Variants in PIK3AP1 observed in about 807,000 individuals in gnomAD.
PIK3AP1 encodes the protein phosphoinositide 3-kinase adapter protein 1.
Under a neutral mutation model 88.1 loss-of-function variants are expected in PIK3AP1, and 21 were observed. The ratio of observed to expected loss-of-function variants is 0.24; its 90% CI spans 0.17 to 0.34. The LOEUF (loss-of-function observed/expected upper bound fraction) is 0.34. PIK3AP1 is among the 10% of genes least tolerant of loss of function. PIK3AP1 has a pLI of 1.00. For missense variants in PIK3AP1, 828 were observed against 1,035.7 expected (o/e 0.80, Z 2.75); for synonymous variants, 398 against 400.0 (o/e 1.00, Z 0.06).
At chr10:96,703,618 G>A (rs767789535) in intron 2 of PIK3AP1, among the ~76,000 whole-genome samples, 14 of 152,142 alleles carry the variant, frequency 9.2e-5, no homozygotes, top group Non-Finnish European at 8.8e-5. Flanking sequence ...CCAGTAAAAA[G>A]AGGAAATAAT....
At chr10:96,668,234 A>G (rs563344354) in intron 2 of PIK3AP1, among the ~76,000 whole-genome samples, 20 of 152,324 alleles carry the variant, frequency 1.3e-4, no homozygotes, top group Non-Finnish European at 2.1e-4. Context: ...AACCGCATAC[A>G]CCAAAAACTG....
chr10:96,688,332 A>G (rs1321250912), intron 2 of PIK3AP1, among the ~76,000 whole-genome samples: 1 of 152,232 alleles, frequency 6.6e-6, no homozygotes, highest in African/African-American at 2.4e-5. Context: ...GATAAGTCAC[A>G]GGAACTTAGC....
intron 14 of PIK3AP1, among the ~76,000 whole-genome samples, chr10:96,609,330 CCAGAG>C (rs1849062266): frequency 6.6e-6 from 1 of 152,170 alleles, no homozygotes; most frequent in South Asian, 2.1e-4. Context: ...TTAACCTAGG[CCAGAG>C]CACTAAGCCT....
At chr10:96,628,875 C>CACACACAT (rs1564961141) in intron 8 of PIK3AP1, among the ~76,000 whole-genome samples, 2 of 90,910 alleles carry the variant, frequency 2.2e-5, no homozygotes, top group Non-Finnish European at 4.4e-5. Context: ...CATATATACA[C>CACACACAT]ATATATATAT....
chr10:96,600,756 TCAAAA>T (rs1327592460), intron 16 of PIK3AP1, among the ~76,000 whole-genome samples: 3 of 152,162 alleles, frequency 2.0e-5, no homozygotes, highest in Non-Finnish European at 1.5e-5. Context: ...AATGCAAAAA[TCAAAA>T]CAAAACCCTG....
chr10:96,666,550 T>A (rs749570331), intron 2 of PIK3AP1, among the ~76,000 whole-genome samples: 5 of 152,148 alleles, frequency 3.3e-5, no homozygotes, highest in Non-Finnish European at 7.4e-5. Context: ...TATTTGGGTC[T>A]GAAAAAAACT....
At position 96,720,343 on chromosome 10, in the gene PIK3AP1, G is replaced by C. The variant is rs898936893; in HGVS notation, c.13+39C>G. The C allele has an allele frequency of 1.6e-6, 2 of 1,242,862 alleles. No homozygotes were observed. Among genetic ancestry groups the C allele is most frequent in the Non-Finnish European group, 2.0e-6 (2 of 987,726 alleles). 77.0% of individuals were successfully genotyped at this position (1,242,862 alleles called of 1,614,324 possible). A position where few individuals can be genotyped will look rare whatever the true frequency, so the allele number is the denominator to read the frequency against. On this transcript the variant is annotated intron_variant, in intron 1 of 16. Coordinates refer to ENST00000339364, the MANE Select transcript of PIK3AP1 (RefSeq NM_152309.3). This position sits in a 1 kb window ranked among gnomAD's most constrained non-coding sequence, Gnocchi z 4.6. The stretch of plus-strand genomic sequence containing the variant: ...CAAGGGATGCGGGGTACGAGAGAGG[G>C]GCCGGGAGCCCGGGGACCCGCGGCG...
At chr10:96,607,676 A>T (rs562503745) in intron 14 of PIK3AP1, among the ~76,000 whole-genome samples, 2 of 152,230 alleles carry the variant, frequency 1.3e-5, no homozygotes, top group South Asian at 4.1e-4. Flanking sequence ...CCCTCTCCAG[A>T]TCTTGTTGCC....
chr10:96,621,175 C>A, intron 11 of PIK3AP1: 1 of 155,142 alleles, frequency 6.4e-6, no homozygotes, highest in South Asian at 1.8e-4. Context: ...AGCCAGTGGC[C>A]TGTCACGTTG....
At chr10:96,665,666 G>A (rs7074129) in intron 2 of PIK3AP1, among the ~76,000 whole-genome samples, 8,348 of 152,216 alleles carry the variant, frequency 0.055, 747 homozygotes, top group African/African-American at 0.19. Context: ...GAATGACCAC[G>A]TTATAAAGGG....
intron 2 of PIK3AP1, among the ~76,000 whole-genome samples, chr10:96,677,955 TTTTA>T (rs1451616577): frequency 6.6e-6 from 1 of 152,120 alleles, no homozygotes; most frequent in South Asian, 2.1e-4. Flanking sequence ...TATATTACAA[TTTTA>T]TTTATTTATT....
At chr10:96,701,051 TG>T (rs1844291673) in intron 2 of PIK3AP1, 1 of 195,792 alleles carries the variant, frequency 5.1e-6, no homozygotes, top group Non-Finnish European at 9.3e-6. Context: ...AGCTCAAAGC[TG>T]GGCTGCATAG....
chr10:96,623,265 G>A (rs1843111487), intron 11 of PIK3AP1, among the ~76,000 whole-genome samples: 1 of 151,960 alleles, frequency 6.6e-6, no homozygotes, highest in Non-Finnish European at 1.5e-5. Context: ...GTCTCACTAT[G>A]TTGCCCAGGT....
chr10:96,627,114 C>T (rs1272849900), intron 9 of PIK3AP1, among the ~76,000 whole-genome samples: 2 of 152,236 alleles, frequency 1.3e-5, no homozygotes, highest in Admixed American at 1.3e-4. Context: ...TGACACCCAG[C>T]GATGCAGTGA....
chr10:96,639,432 G>A (rs1843356009), intron 8 of PIK3AP1, among the ~76,000 whole-genome samples: 1 of 152,212 alleles, frequency 6.6e-6, no homozygotes, highest in Non-Finnish European at 1.5e-5. Context: ...AAGGGGATGT[G>A]TGTGCAGTGT....
intron 11 of PIK3AP1, among the ~76,000 whole-genome samples, chr10:96,622,804 G>A (rs1325291422): frequency 6.6e-6 from 1 of 152,214 alleles, no homozygotes; most frequent in Non-Finnish European, 1.5e-5. Context: ...AGAGAAAAGA[G>A]CACTTAGCTC....
At chr10:96,655,058 T>C (rs1027701293) in intron 3 of PIK3AP1, among the ~76,000 whole-genome samples, 2 of 152,084 alleles carry the variant, frequency 1.3e-5, no homozygotes, top group African/African-American at 4.8e-5. Context: ...CTTTTTAAAA[T>C]AAAATAGAAA....
chr10:96,717,150 C>T (rs1405682784), intron 1 of PIK3AP1, among the ~76,000 whole-genome samples: 4 of 149,856 alleles, frequency 2.7e-5, no homozygotes, highest in African/African-American at 7.4e-5. Context: ...CCCAGCTACT[C>T]GGGAGGCTGA....
intron 10 of PIK3AP1, 105 bp from the exon 11 acceptor site, chr10:96,623,642 A>C: frequency 1.0e-6 from 1 of 998,814 alleles, no homozygotes; most frequent in Non-Finnish European, 1.5e-6. Context: ...TGGTTCTGTA[A>C]ATCAAAATTG....
Sources: gnomAD v4.1 joint callset for allele counts (sites outside exome capture counted in the v4.1 genomes callset) on GRCh38, gnomAD v4.1.1 for gene constraint, Gnocchi (gnomAD v3.1) non-coding constraint, MANE v1.5 for transcripts, NCBI Gene and HGNC (gene_info 2026-07-23, HGNC 2026-07-21) for gene names.